ZNF91: variants seen among roughly 807,000 people sequenced by gnomAD.
The protein encoded by ZNF91 is zinc finger protein 91, also known as zinc finger protein 91 (HPF7, HTF10).
A neutral mutation model predicts 12.6 loss-of-function variants in ZNF91; 7 were observed. The ratio of observed to expected loss-of-function variants is 0.55; its 90% confidence interval spans 0.31 to 1.04. The LOEUF (loss-of-function observed/expected upper bound fraction) is 1.04. Among genes scored for constraint, ZNF91 ranks in the 50% least tolerant of loss-of-function variants. ZNF91 has a pLI of 0.05. For missense variants in ZNF91, 1,217 were observed against 1,385.4 expected, an observed-to-expected ratio of 0.88 and a Z score of 1.93; for synonymous variants, 453 against 462.6, an observed-to-expected ratio of 0.98 and a Z score of 0.27.
chr19:23,323,694 C>A (rs1315811033), intron 1 of ZNF91, among the ~76,000 whole-genome samples: 1 of 124,300 alleles, frequency 8.0e-6, no homozygotes, highest in East Asian at 2.7e-4. Context: ...ACTTCTCCTT[C>A]TTTATCCTCT....
chr19:23,383,937 C>T (rs113591575), intron 1 of ZNF91, among the ~76,000 whole-genome samples: 4,068 of 152,180 alleles, frequency 0.027, 150 homozygotes, highest in African/African-American at 0.087. Context: ...TGGTGAAACC[C>T]TGTCTCTACT....
intron 1 of ZNF91, among the ~76,000 whole-genome samples, chr19:23,309,792 C>T (rs926023198): frequency 4.6e-5 from 7 of 152,138 alleles, no homozygotes; most frequent in African/African-American, 1.4e-4. Context: ...ACCACTCTCT[C>T]GCATATTGTA....
chr19:23,354,770 G>A (rs181092102), downstream of ZNF91, among the ~76,000 whole-genome samples: 11 of 152,246 alleles, frequency 7.2e-5, no homozygotes, highest in East Asian at 1.9e-3. Flanking sequence ...ATTCAGCAAA[G>A]TTTCAGGATA....
intron 1 of ZNF91, chr19:23,328,442 T>G (rs958043965): frequency 7.2e-5 from 11 of 152,016 alleles, no homozygotes; most frequent in Admixed American, 3.9e-4. Flanking sequence ...GTTGAAAAGG[T>G]GGATGTGTCA....
chr19:23,358,965 AT>A lies in ZNF91; in HGVS notation c.*437del. 2 of 369,182 alleles carry A rather than the reference AT, an allele frequency of 5.4e-6. No homozygotes were observed. The highest frequency in any genetic ancestry group is 5.6e-5 in the South Asian group (2 of 36,022). The allele number at this position is 369,182 out of a possible 1,614,324, so 22.9% of individuals were successfully genotyped here. A position where few individuals can be genotyped will look rare whatever the true frequency, so the allele number is the denominator to read the frequency against. Reference sequence around the variant, plus strand: ...CACACTTGTAAGATTTCTCTCCAATATGAGTTATCTTATCTGTAGTAAGGTG... The same window carrying A: ...CACACTTGTAAGATTTCTCTCCAATAGAGTTATCTTATCTGTAGTAAGGTG... On this transcript the variant is annotated 3_prime_UTR_variant, in exon 4 of 4. Coordinates refer to ENST00000300619, the MANE Select transcript of ZNF91 (RefSeq NM_003430.4).
chr19:23,338,998 G>A (rs1261367575), exon 4 of ZNF91: 1 of 151,470 alleles, frequency 6.6e-6, no homozygotes, highest in Non-Finnish European at 1.5e-5. Context: ...GTTGCAGTGA[G>A]CAGTGGGACG....
chr19:23,363,115 C>T (rs930394504), intron 3 of ZNF91, among the ~76,000 whole-genome samples: 1 of 152,084 alleles, frequency 6.6e-6, no homozygotes, highest in Non-Finnish European at 1.5e-5. Flanking sequence ...CAAAAAACCA[C>T]ACAGAAAAAA....
chr19:23,311,291 C>A (rs141753846), upstream of ZNF91, among the ~76,000 whole-genome samples: 97 of 152,190 alleles, frequency 6.4e-4, no homozygotes, highest in African/African-American at 2.3e-3. Flanking sequence ...TGATGTGACT[C>A]TCCTCTCCTG....
At chr19:23,381,462 CTT>C (rs201511156) in intron 1 of ZNF91, among the ~76,000 whole-genome samples, 52 of 137,688 alleles carry the variant, frequency 3.8e-4, no homozygotes, top group Admixed American at 5.8e-4. Flanking sequence ...TTTTCTTTCT[CTT>C]TTTTTTTTTT....
At chr19:23,369,353 C>T (rs1358022782) in intron 3 of ZNF91, among the ~76,000 whole-genome samples, 1 of 151,400 alleles carries the variant, frequency 6.6e-6, no homozygotes, top group Non-Finnish European at 1.5e-5. Flanking sequence ...GGGGGCAGCC[C>T]CCACCCGGCC....
In ZNF91 at chr19:23,361,982, G is replaced by A. The variant is rs202143348; in HGVS notation, c.997C>T (p.Arg333Cys). ...TTATGTTTAGCAAGGGTTGAAGAACGGCTAAAAGCTTTGCCACATTCTTCA... is the reference window on the plus strand; with the variant it reads ...TTATGTTTAGCAAGGGTTGAAGAACAGCTAAAAGCTTTGCCACATTCTTCA... ...KCEECGKAFS[R>C]SSTLAKHKRI... The change falls in exon 4 of 4, where the codon CGT (arginine) becomes TGT (cysteine). Residue 333 changes from arginine (R) to cysteine (C), a missense_variant. Physicochemically the swap from Arg to Cys is radical, Grantham distance 180. Around this residue, in one of 2 missense-constraint regions of ZNF91, gnomAD observed 726 missense variants for 895.5 expected, o/e 0.81. Transcript: ENST00000300619. 28 of 1,489,496 alleles carry A rather than the reference G, an allele frequency of 1.9e-5. No individual in the cohort carries two copies. In the East Asian group the frequency reaches 4.8e-4, roughly 26 times the overall value. 92.3% of individuals were successfully genotyped at this position (1,489,496 alleles called of 1,614,324 possible). A position where few individuals can be genotyped will look rare whatever the true frequency, so the allele number is the denominator to read the frequency against.
In ZNF91 at chr19:23,366,078, T is replaced by C. The variant is rs538294994; in HGVS notation, c.254-3353A>G. 3.9e-5 allele frequency among the ~76,000 whole-genome samples: 6 copies of C among 152,356 alleles called. No individual in the cohort carries two copies. In the South Asian group the frequency reaches 8.3e-4, roughly 21 times the overall value. On this transcript the variant is annotated intron_variant, in intron 3 of 3. Transcript: ENST00000300619. ...ATCATGGCCCGTTCTCAATGAGCCGTTGGGTACACCTCCCAGACGGGGTGG... is the reference window on the plus strand; with the variant it reads ...ATCATGGCCCGTTCTCAATGAGCCGCTGGGTACACCTCCCAGACGGGGTGG...
At chr19:23,343,648 G>GT (rs1968165437) in intron 3 of ZNF91, among the ~76,000 whole-genome samples, 1 of 152,212 alleles carries the variant, frequency 6.6e-6, no homozygotes, top group African/African-American at 2.4e-5. Flanking sequence ...ACTATCGTGT[G>GT]TAAGGAGTAC....
rs141572875 is a variant in ZNF91 at position 23,361,071 on chromosome 19, G to A, written c.1908C>T (p.Gly636=). The change falls in exon 4 of 4, where the codon GGC becomes GGT. Residue 636 remains glycine, a synonymous_variant. Coordinates refer to ENST00000300619, the MANE Select transcript of ZNF91 (RefSeq NM_003430.4). ...GGGCTGAAGAATGGCTAAAAGCTTTGCCACATTCTTCACATTTGTAGGGTT... is the reference window on the plus strand; with the variant it reads ...GGGCTGAAGAATGGCTAAAAGCTTTACCACATTCTTCACATTTGTAGGGTT... ...GEKPYKCEEC[G]KAFSHSSALA... 1.1e-3 allele frequency: 1,771 copies of A among 1,613,660 alleles called. 10 individuals are homozygous for A. The highest frequency in any genetic ancestry group is 9.6e-3 in the Middle Eastern group (58 of 6,060).
At chr19:23,337,294 ATATG>A (rs1968030569), downstream of ZNF91, among the ~76,000 whole-genome samples, 4 of 152,134 alleles carry the variant, frequency 2.6e-5, no homozygotes, top group South Asian at 2.1e-4. Flanking sequence ...TTTTATATAT[ATATG>A]TATTTATAAA....
At position 23,359,950 on chromosome 19, in the gene ZNF91, G is replaced by A. The variant is rs746987256; in HGVS notation, c.3029C>T (p.Thr1010Ile). ...TCCAGTGTGCATCCTCGTATGTCTAGTTAGGGTTGAGGATTGGCTAAATGC... is the reference window on the plus strand; with the variant it reads ...TCCAGTGTGCATCCTCGTATGTCTAATTAGGGTTGAGGATTGGCTAAATGC... Reference protein sequence around the residue: ...GKAFSQSSTLTRHTRMHTGEK... With the variant: ...GKAFSQSSTLIRHTRMHTGEK... The change falls in exon 4 of 4, where the codon ACT (threonine) becomes ATT (isoleucine). Residue 1010 changes from threonine to isoleucine, a missense_variant. By Grantham distance (89) the Thr-to-Ile change is moderately conservative. Coordinates refer to ENST00000300619, the MANE Select transcript of ZNF91 (RefSeq NM_003430.4). 3 of 1,611,702 alleles carry A rather than the reference G, an allele frequency of 1.9e-6. No individual in the cohort carries two copies. In the East Asian group the frequency reaches 6.7e-5, roughly 36 times the overall value.
At chr19:23,384,627 CCT>C in intron 1 of ZNF91, 1 of 769,036 alleles carries the variant, frequency 1.3e-6, no homozygotes, top group Non-Finnish European at 1.9e-6. Flanking sequence ...CATCAGTCCC[CCT>C]CTTGGAGGCT....
At chr19:23,308,384 C>T (rs747550962) in intron 2 of ZNF91, 5 of 152,226 alleles carry the variant, frequency 3.3e-5, no homozygotes, top group Non-Finnish European at 7.3e-5. Flanking sequence ...GCAACACCTA[C>T]TATCTGATAT....
downstream of ZNF91, among the ~76,000 whole-genome samples, chr19:23,352,970 T>C (rs945208645): frequency 7.9e-5 from 12 of 152,172 alleles, no homozygotes; most frequent in Non-Finnish European, 1.2e-4. Flanking sequence ...CAGTTACTAA[T>C]AGACCTAAGA....
Sources: gnomAD v4.1 joint callset for allele counts (sites outside exome capture counted in the v4.1 genomes callset) on GRCh38, gnomAD v4.1.1 for gene constraint, gnomAD v4.1.1 regional missense constraint, MANE v1.5 for transcripts, NCBI Gene and HGNC (gene_info 2026-07-23, HGNC 2026-07-21) for gene names.